Variants in OR1F1 observed in about 807,000 individuals in gnomAD.
OR1F1 encodes the protein olfactory receptor 1F1.
For missense variants in OR1F1, 493 were observed against 376.3 expected (o/e 1.31, Z -2.57); for synonymous variants, 184 against 156.7 (o/e 1.17, Z -1.30).
chr16:3,193,447 G>A, the OR1F1 span, among the ~76,000 whole-genome samples: 2 of 152,240 alleles, frequency 1.3e-5, no homozygotes, highest in Admixed American at 6.5e-5. Flanking sequence ...AAGCCCATGC[G>A]GGCTGGAGGA....
the OR1F1 span, among the ~76,000 whole-genome samples, chr16:3,192,801 G>T: frequency 5.7e-5 from 8 of 139,736 alleles, no homozygotes; most frequent in African/African-American, 2.7e-4. Context: ...GGTGCGGCCC[G>T]GGAGGCTGCT....
chr16:3,188,788 T>C, the OR1F1 span, among the ~76,000 whole-genome samples: 1 of 151,746 alleles, frequency 6.6e-6, no homozygotes. Context: ...AAGGGCAGAG[T>C]GACAGTAAAG....
chr16:3,191,478 A>G, the OR1F1 span: 4 of 152,122 alleles, frequency 2.6e-5, no homozygotes, highest in African/African-American at 9.7e-5. Flanking sequence ...GCCAATTACT[A>G]GACATAAAAC....
At chr16:3,205,170 G>T (rs761634231) in exon 1 of OR1F1, 4 of 1,606,886 alleles carry the variant, frequency 2.5e-6, no homozygotes, top group Non-Finnish European at 2.6e-6. Flanking sequence ...TTGGCAGGGT[G>T]GTGTTTTCTG....
At chr16:3,195,619 T>C in the OR1F1 span, among the ~76,000 whole-genome samples, 4 of 149,406 alleles carry the variant, frequency 2.7e-5, no homozygotes, top group African/African-American at 7.5e-5. Context: ...GAGTTGGAGG[T>C]TGCAGTGAGC....
the OR1F1 span, among the ~76,000 whole-genome samples, chr16:3,192,013 T>C: frequency 4.3e-4 from 65 of 152,058 alleles, 1 homozygote; most frequent in Non-Finnish European, 7.9e-4. Flanking sequence ...GGGGTATGAT[T>C]CTCGCTTAGG....
At chr16:3,194,599 T>C in the OR1F1 span, among the ~76,000 whole-genome samples, 3 of 152,144 alleles carry the variant, frequency 2.0e-5, no homozygotes, top group South Asian at 6.2e-4. Context: ...TGTTTGTGTA[T>C]GATCAGTGCC....
chr16:3,194,280 G>C, the OR1F1 span, among the ~76,000 whole-genome samples: 1 of 152,122 alleles, frequency 6.6e-6, no homozygotes, highest in African/African-American at 2.4e-5. Context: ...GTTTTGGTTT[G>C]TTTGTTTGGT....
exon 1 of OR1F1, chr16:3,205,185 A>T: frequency 6.2e-7 from 1 of 1,600,344 alleles, no homozygotes; most frequent in South Asian, 1.1e-5. Context: ...TTTCTGTCTG[A>T]TGAAATAATC....
At chr16:3,194,657 T>C in the OR1F1 span, among the ~76,000 whole-genome samples, 10 of 151,982 alleles carry the variant, frequency 6.6e-5, no homozygotes, top group Non-Finnish European at 1.0e-4. Flanking sequence ...AGAAAAAAGA[T>C]TCTAGTAAAA....
upstream of OR1F1, among the ~76,000 whole-genome samples, chr16:3,201,460 T>A (rs368962223): frequency 4.2e-4 from 64 of 152,346 alleles, no homozygotes; most frequent in Non-Finnish European, 5.4e-4. Context: ...CTAGTTTCTC[T>A]ACATCCTTGC....
the OR1F1 span, among the ~76,000 whole-genome samples, chr16:3,198,876 G>T: frequency 2.0e-5 from 3 of 152,050 alleles, no homozygotes; most frequent in Middle Eastern, 0.01. Flanking sequence ...AGGATCGCTT[G>T]AGCCCAGGAG....
the OR1F1 span, among the ~76,000 whole-genome samples, chr16:3,191,492 C>T: frequency 3.3e-5 from 5 of 152,164 alleles, no homozygotes; most frequent in East Asian, 3.9e-4. Context: ...ATAAAACGTT[C>T]CCAGGGAAGC....
exon 1 of OR1F1, chr16:3,204,972 T>C (rs2075851): frequency 0.44 from 706,140 of 1,613,640 alleles, 159,185 homozygotes; most frequent in Admixed American, 0.58. Context: ...CCACCTGTGG[T>C]TCTCACCTGG....
the OR1F1 span, among the ~76,000 whole-genome samples, chr16:3,197,668 GGCTGGGGA>G: frequency 0.033 from 6 of 180 alleles, no homozygotes; most frequent in East Asian, 0.045. Context: ...AGCTTAAATG[GGCTGGGGA>G]GAGAGGGAGA....
At chr16:3,196,149 T>A in the OR1F1 span, among the ~76,000 whole-genome samples, 1 of 152,194 alleles carries the variant, frequency 6.6e-6, no homozygotes, top group Non-Finnish European at 1.5e-5. Context: ...AACCTTGCAG[T>A]TATGCCCAGC....
At chr16:3,203,630 G>A (rs763927790), upstream of OR1F1, among the ~76,000 whole-genome samples, 16 of 152,314 alleles carry the variant, frequency 1.1e-4, no homozygotes, top group Admixed American at 2.6e-4. Flanking sequence ...TGGGCGTGGT[G>A]GCACGTGCCT....
upstream of OR1F1, among the ~76,000 whole-genome samples, chr16:3,199,626 G>A (rs772311155): frequency 6.6e-6 from 1 of 152,100 alleles, no homozygotes; most frequent in African/African-American, 2.4e-5. Flanking sequence ...TGATACCTTG[G>A]TTTATGTATT....
chr16:3,204,013 T>A (rs1200024870), upstream of OR1F1, among the ~76,000 whole-genome samples: 1 of 152,090 alleles, frequency 6.6e-6, no homozygotes, highest in Admixed American at 6.6e-5. Flanking sequence ...CATTTTAATT[T>A]TACAAATTGG....
Sources: gnomAD v4.1 joint callset for allele counts (sites outside exome capture counted in the v4.1 genomes callset) on GRCh38, gnomAD v4.1.1 for gene constraint, MANE v1.5 for transcripts, NCBI Gene and HGNC (gene_info 2026-07-23, HGNC 2026-07-21) for gene names.